RYR2: variants seen among roughly 807,000 people sequenced by gnomAD.
RYR2 encodes cardiac muscle ryanodine receptor-calcium release channel.
RYR2 carries 227 observed loss-of-function variants against 601.1 expected under a neutral mutation model. That is an observed-to-expected ratio of 0.38 (90% CI 0.34 to 0.42). The LOEUF is 0.42. Ranked by LOEUF, RYR2 falls within the 10% of genes least tolerant of loss-of-function variation. The pLI, the probability that RYR2 is intolerant of heterozygous loss-of-function variation, is 1.00. For missense variants in RYR2, 4,646 were observed against 6,156.5 expected (o/e 0.75, Z 8.21); for synonymous variants, 2,223 against 2,175.1 (o/e 1.02, Z -0.61).
At chr1:237,384,849 T>A (rs940239653) in intron 8 of RYR2, among the ~76,000 whole-genome samples, 7 of 152,160 alleles carry the variant, frequency 4.6e-5, no homozygotes, top group African/African-American at 7.2e-5. Context: ...ACAGCATTTT[T>A]AAAGGCTTTT....
chr1:237,710,140 T>C (rs1212567410), intron 70 of RYR2, among the ~76,000 whole-genome samples: 1 of 152,228 alleles, frequency 6.6e-6, no homozygotes, highest in African/African-American at 2.4e-5. Flanking sequence ...TATGTATTTT[T>C]AAACCTGGAA....
intron 1 of RYR2, among the ~76,000 whole-genome samples, chr1:237,211,364 A>G (rs1218519589): frequency 6.6e-6 from 1 of 152,212 alleles, no homozygotes; most frequent in African/African-American, 2.4e-5. Flanking sequence ...GGCATTTGTT[A>G]TGCTCTTTAC....
Position 237,819,197 on chromosome 1 carries a change from G to A in RYR2, c.14590+5G>A. The stretch of plus-strand genomic sequence containing the variant: ...TTCTCTTGGCCATAATACAAGGTAA[G>A]TATCCTCCTCACTGAAGCTGATGAA... On this transcript the variant is annotated splice_donor_5th_base_variant and intron_variant, in intron 101 of 104. Coordinates refer to ENST00000366574, the MANE Select transcript of RYR2 (RefSeq NM_001035.3). This position sits in a 1 kb window ranked among gnomAD's most constrained non-coding sequence, Gnocchi z 4.0. The A allele has an allele frequency of 6.2e-7, 1 of 1,611,622 alleles. No homozygotes were observed. The highest frequency in any genetic ancestry group is 1.7e-4 in the Middle Eastern group (1 of 6,036).
chr1:237,319,153 G>A (rs1006865389), intron 2 of RYR2, among the ~76,000 whole-genome samples: 3 of 151,814 alleles, frequency 2.0e-5, no homozygotes, highest in African/African-American at 7.3e-5. Flanking sequence ...ATTTATTTTT[G>A]TAATTTTTGC....
At chr1:237,158,776 A>G (rs1330151342) in intron 1 of RYR2, among the ~76,000 whole-genome samples, 1 of 152,222 alleles carries the variant, frequency 6.6e-6, no homozygotes, top group Non-Finnish European at 1.5e-5. Flanking sequence ...GGAAGGAATG[A>G]TTGCCGAATG....
At chr1:237,159,263 C>G (rs921922225) in intron 1 of RYR2, among the ~76,000 whole-genome samples, 1 of 151,950 alleles carries the variant, frequency 6.6e-6, no homozygotes, top group Admixed American at 6.6e-5. Flanking sequence ...TGCACTCCAG[C>G]CTGGGCAACA....
chr1:237,242,198 T>TTTTTTTTTTGTTTG (rs928421124), intron 1 of RYR2, among the ~76,000 whole-genome samples: 1 of 150,496 alleles, frequency 6.6e-6, no homozygotes, highest in African/African-American at 2.5e-5. Flanking sequence ...TCACTGTTTT[T>TTTTTTTTTTGTTTG]TTTGTTTGTT....
At chr1:237,594,922 TTTTTTTTTTGCATA>T (rs1675712244) in intron 33 of RYR2, among the ~76,000 whole-genome samples, 1 of 99,304 alleles carries the variant, frequency 1.0e-5, no homozygotes, top group African/African-American at 3.3e-5. Context: ...TTTTTTTTTT[TTTTTTTTTTGCATA>T]TTCTAGTTAA....
At chr1:237,651,346 A>G in intron 50 of RYR2, 65 bp from the exon 51 acceptor site, 2 of 1,085,078 alleles carry the variant, frequency 1.8e-6, no homozygotes, top group Non-Finnish European at 2.8e-6. Flanking sequence ...AATTTATTCT[A>G]ATGAATGATC....
At position 237,595,804 on chromosome 1, in the gene RYR2, T is replaced by A. The variant is rs1675834333; in HGVS notation, c.4596+147T>A. The A allele has an allele frequency of 3.4e-6, 3 of 892,250 alleles. No individual in the cohort carries two copies. In the African/African-American group the frequency reaches 5.2e-5, roughly 15 times the overall value. The allele number at this position is 892,250 out of a possible 1,614,324, so 55.3% of individuals were successfully genotyped here. ...AAAATCAGCCGAGCAGACCTGCCCC[T>A]AGCAAGCCCTCCTCATAGCTGTCCC... On this transcript the variant is annotated intron_variant, in intron 34 of 104. Coordinates refer to ENST00000366574, the MANE Select transcript of RYR2 (RefSeq NM_001035.3).
intron 1 of RYR2, among the ~76,000 whole-genome samples, chr1:237,171,841 C>T (rs1008958): frequency 0.34 from 52,333 of 152,104 alleles, 9,158 homozygotes; most frequent in East Asian, 0.51. Flanking sequence ...GATTATGAAG[C>T]TCTGTGCTAT....
chr1:237,184,428 A>G (rs1257403734), intron 1 of RYR2, among the ~76,000 whole-genome samples: 1 of 152,012 alleles, frequency 6.6e-6, no homozygotes, highest in African/African-American at 2.4e-5. Flanking sequence ...AATTGACAAG[A>G]GAAGAACTAC....
intron 23 of RYR2, among the ~76,000 whole-genome samples, chr1:237,510,816 C>T (rs963025675): frequency 2.6e-5 from 4 of 152,240 alleles, no homozygotes; most frequent in African/African-American, 7.2e-5. Flanking sequence ...GAGAGAACAT[C>T]TTTCTCATTA....
chr1:237,630,696 T>C (rs1373256238), intron 41 of RYR2, among the ~76,000 whole-genome samples: 2 of 152,162 alleles, frequency 1.3e-5, no homozygotes, highest in Admixed American at 6.5e-5. Context: ...ACAGAGCTCT[T>C]TATTTGCAGT....
At position 237,739,699 on chromosome 1, in the gene RYR2, G is replaced by C. The variant is rs1010698793; in HGVS notation, c.11092-2597G>C. ...ACATTCTTATGAGTTTCTCTCTTCT[G>C]TCTCACCCATGAGCTCTCTGTTAGT... On this transcript the variant is annotated intron_variant, in intron 79 of 104. Transcript: ENST00000366574. Among the ~76,000 whole-genome samples, 7 of 152,108 alleles carry C rather than the reference G, an allele frequency of 4.6e-5. No individual in the cohort carries two copies. The South Asian group carries it at 1.4e-3, about 31-fold the overall frequency.
intron 3 of RYR2, among the ~76,000 whole-genome samples, chr1:237,351,241 G>T (rs1010461687): frequency 1.3e-5 from 2 of 151,996 alleles, no homozygotes; most frequent in African/African-American, 2.4e-5. Context: ...AAGTTATTCG[G>T]CCCTAAATAC....
intron 101 of RYR2, among the ~76,000 whole-genome samples, chr1:237,827,704 C>A (rs539688683): frequency 6.6e-6 from 1 of 150,554 alleles, no homozygotes. Flanking sequence ...TTTGGGAGGC[C>A]GAGGCAGGCG....
intron 29 of RYR2, 25 bp from the exon 30 acceptor site, chr1:237,589,768 A>C (rs1010564297): frequency 6.3e-7 from 1 of 1,590,238 alleles, no homozygotes; most frequent in Non-Finnish European, 8.6e-7. Context: ...ATGGTACTAA[A>C]ACTTGATTTT....
chr1:237,821,847 GA>G (rs1662540479), intron 101 of RYR2, among the ~76,000 whole-genome samples: 1 of 151,730 alleles, frequency 6.6e-6, no homozygotes. Context: ...TGATGGAGCT[GA>G]AAAACACAGC....
Sources: allele counts gnomAD v4.1 joint callset (sites outside exome capture counted in the v4.1 genomes callset), GRCh38; gene constraint gnomAD v4.1.1; non-coding constraint Gnocchi (gnomAD v3.1); transcripts MANE v1.5; gene names NCBI Gene and HGNC (gene_info 2026-07-23, HGNC 2026-07-21).